KCNMB2: variants seen among roughly 807,000 people sequenced by gnomAD.
KCNMB2 encodes the protein potassium calcium-activated channel subfamily M regulatory beta subunit 2, also known as calcium-activated potassium channel subunit beta-2.
A neutral mutation model predicts 24.5 loss-of-function variants in KCNMB2; 9 were observed. The ratio of observed to expected loss-of-function variants is 0.37; its 90% CI spans 0.22 to 0.64. The LOEUF (loss-of-function observed/expected upper bound fraction) is 0.64. KCNMB2 is among the 30% of genes least tolerant of loss of function. KCNMB2 has a pLI of 0.63. For synonymous variants in KCNMB2, 109 were observed against 104.4 expected, an observed-to-expected ratio of 1.04 and a Z score of -0.27; for missense variants, 226 against 284.3, an observed-to-expected ratio of 0.79 and a Z score of 1.47.
intron 4 of KCNMB2, among the ~76,000 whole-genome samples, chr3:178,840,243 T>C (rs1715378269): frequency 6.6e-6 from 1 of 152,202 alleles, no homozygotes; most frequent in South Asian, 2.1e-4. Flanking sequence ...ATGCAAGAGA[T>C]GGGTTCCCAA....
At chr3:178,786,759 A>C (rs1299319459) in intron 1 of KCNMB2, among the ~76,000 whole-genome samples, 1 of 152,136 alleles carries the variant, frequency 6.6e-6, no homozygotes, top group Non-Finnish European at 1.5e-5. Flanking sequence ...AAAACTAAAA[A>C]AAGTATTAAC....
intron 1 of KCNMB2, among the ~76,000 whole-genome samples, chr3:178,721,030 T>C (rs1025410505): frequency 6.6e-6 from 1 of 152,218 alleles, no homozygotes. Flanking sequence ...TTTGGTGTTT[T>C]AGACATGAAG....
chr3:178,612,548 A>G (rs897659323), intron 1 of KCNMB2, among the ~76,000 whole-genome samples: 1 of 152,192 alleles, frequency 6.6e-6, no homozygotes, highest in Non-Finnish European at 1.5e-5. Context: ...TGAAAGAAGC[A>G]TAGTGACTCC....
intron 1 of KCNMB2, among the ~76,000 whole-genome samples, chr3:178,735,837 A>G (rs1333992581): frequency 1.3e-5 from 2 of 152,216 alleles, no homozygotes; most frequent in Admixed American, 6.5e-5. Context: ...CACTTTTTCT[A>G]TGTAATGAGA....
chr3:178,553,414 G>A (rs1248074896), intron 1 of KCNMB2, among the ~76,000 whole-genome samples: 1 of 152,096 alleles, frequency 6.6e-6, no homozygotes, highest in African/African-American at 2.4e-5. Flanking sequence ...AAATTAAAAG[G>A]CATGGACAAA....
chr3:178,801,412 T>C (rs1194612898), intron 1 of KCNMB2, among the ~76,000 whole-genome samples: 2 of 152,136 alleles, frequency 1.3e-5, no homozygotes, highest in South Asian at 2.1e-4. Context: ...CAAAAGACAA[T>C]AGTGTTCTGC....
At chr3:178,759,225 C>A in intron 1 of KCNMB2, among the ~76,000 whole-genome samples, 1 of 112,430 alleles carries the variant, frequency 8.9e-6, no homozygotes, top group Non-Finnish European at 1.8e-5. Context: ...ATATCTATCT[C>A]CAAGAGGAGA....
intron 1 of KCNMB2, among the ~76,000 whole-genome samples, chr3:178,766,399 G>T (rs961952261): frequency 1.3e-5 from 2 of 152,036 alleles, no homozygotes; most frequent in Non-Finnish European, 2.9e-5. Context: ...TCACTGTGTT[G>T]CCCAGGCTGA....
chr3:178,546,060 T>G (rs998302963), intron 1 of KCNMB2, among the ~76,000 whole-genome samples: 2 of 152,160 alleles, frequency 1.3e-5, no homozygotes, highest in African/African-American at 4.8e-5. Context: ...AGGACTCATT[T>G]CTCTGTTGGA....
At chr3:178,734,684 C>T (rs1398775359) in intron 1 of KCNMB2, among the ~76,000 whole-genome samples, 1 of 152,192 alleles carries the variant, frequency 6.6e-6, no homozygotes, top group Non-Finnish European at 1.5e-5. Flanking sequence ...GACCCAAGTC[C>T]TCTGATTCCA....
intron 1 of KCNMB2, among the ~76,000 whole-genome samples, chr3:178,657,053 C>T (rs1295293852): frequency 6.6e-6 from 1 of 152,174 alleles, no homozygotes; most frequent in Non-Finnish European, 1.5e-5. Flanking sequence ...CTCTGTCTCT[C>T]AGTACCTCAG....
rs544145190 is a variant in KCNMB2 at position 178,594,906 on chromosome 3, T to G, written c.-68+58195T>G. Among the ~76,000 whole-genome samples, 17 of 152,216 alleles carry G rather than the reference T, an allele frequency of 1.1e-4. No individual in the cohort carries two copies. In the South Asian group the frequency reaches 3.3e-3, roughly 30 times the overall value. ...TTTCATTCTTCACCATATTCTCTTATGAAAAATCTGTTTGCAATTCTTCTT... is the reference window on the plus strand; with the variant it reads ...TTTCATTCTTCACCATATTCTCTTAGGAAAAATCTGTTTGCAATTCTTCTT... On this transcript the variant is annotated intron_variant, in intron 1 of 4. Transcript: ENST00000452583.
At chr3:178,561,404 C>A (rs560069128) in intron 1 of KCNMB2, among the ~76,000 whole-genome samples, 1 of 152,168 alleles carries the variant, frequency 6.6e-6, no homozygotes, top group Non-Finnish European at 1.5e-5. Context: ...TACATGAAAG[C>A]TGTGTGGAGT....
intron 1 of KCNMB2, among the ~76,000 whole-genome samples, chr3:178,605,638 GA>G (rs1465673248): frequency 2.0e-5 from 3 of 152,106 alleles, no homozygotes; most frequent in Non-Finnish European, 4.4e-5. Flanking sequence ...AATATTGGTA[GA>G]CATATAAACA....
At chr3:178,758,510 A>C (rs1379646862) in intron 1 of KCNMB2, among the ~76,000 whole-genome samples, 3 of 29,154 alleles carry the variant, frequency 1.0e-4, no homozygotes, top group East Asian at 7.9e-4. Flanking sequence ...ATATATATAT[A>C]TCTCCAAGAG....
intron 1 of KCNMB2, among the ~76,000 whole-genome samples, chr3:178,719,924 T>A (rs1398715978): frequency 6.6e-6 from 1 of 152,134 alleles, no homozygotes; most frequent in African/African-American, 2.4e-5. Context: ...CCTAAAGTTT[T>A]CCCTTGTCCA....
Position 178,701,982 on chromosome 3 carries a change from C to T in KCNMB2, c.-67-105361C>T, listed in dbSNP as rs112888382. Among the ~76,000 whole-genome samples the T allele has an allele frequency of 5.0e-3, 761 of 152,062 alleles. 6 individuals are homozygous for T. The highest frequency in any genetic ancestry group is 0.018 in the African/African-American group (734 of 41,460). The stretch of plus-strand genomic sequence containing the variant: ...ATGCTGCTATAAAGACACATGCACA[C>T]GTACATTTATTGCGGCACTACTCAC... On this transcript the variant is annotated intron_variant, in intron 1 of 4. Transcript: ENST00000452583.
At position 178,536,437 on chromosome 3, in the gene KCNMB2, G is replaced by C. The variant is rs562448447; in HGVS notation, c.-342G>C. 1.1e-4 allele frequency: 16 copies of C among 152,328 alleles called. 1 individual carries two copies. In the South Asian group the frequency reaches 3.1e-3, roughly 30 times the overall value. 9.4% of individuals were successfully genotyped at this position (152,328 alleles called of 1,614,324 possible). ...CCTACCTCCTGCACGCTTTAAAACAGTATGAAGCAGCTTTAACGGAGCTCC... is the reference window on the plus strand; with the variant it reads ...CCTACCTCCTGCACGCTTTAAAACACTATGAAGCAGCTTTAACGGAGCTCC... On this transcript the variant is annotated 5_prime_UTR_variant, in exon 1 of 5. Coordinates refer to ENST00000452583, the MANE Select transcript of KCNMB2 (RefSeq NM_181361.3).
At chr3:178,560,629 G>A (rs759133395) in intron 1 of KCNMB2, among the ~76,000 whole-genome samples, 13 of 152,034 alleles carry the variant, frequency 8.6e-5, no homozygotes, top group South Asian at 6.2e-4. Flanking sequence ...TAAATGTAGC[G>A]AGATAATTGG....
Sources: allele counts gnomAD v4.1 joint callset (sites outside exome capture counted in the v4.1 genomes callset), GRCh38; gene constraint gnomAD v4.1.1; transcripts MANE v1.5; gene names NCBI Gene and HGNC (gene_info 2026-07-23, HGNC 2026-07-21).